The following TENM3 variants were observed in gnomAD, a reference collection of about 807,000 sequenced individuals.
The protein encoded by TENM3 is teneurin-3.
In TENM3, 63 loss-of-function variants were observed where a neutral mutation model predicts 255.1. The observed-to-expected ratio is 0.25, with a 90% CI of 0.20 to 0.30. The LOEUF (loss-of-function observed/expected upper bound fraction) is 0.30. TENM3 is among the 10% of genes least tolerant of loss of function. TENM3 has a pLI of 1.00. For missense variants in TENM3, 2,929 were observed against 3,461.1 expected, an observed-to-expected ratio of 0.85 and a Z score of 3.86; for synonymous variants, 1,306 against 1,322.3, an observed-to-expected ratio of 0.99 and a Z score of 0.27.
chr4:182,417,182 C>G (rs904428649), intron 3 of TENM3, among the ~76,000 whole-genome samples: 8 of 151,378 alleles, frequency 5.3e-5, no homozygotes, highest in Non-Finnish European at 1.0e-4. Flanking sequence ...TTCACCGTGT[C>G]AGCCAGGATG....
the TENM3 span, among the ~76,000 whole-genome samples, chr4:181,702,167 A>G: frequency 1.3e-5 from 2 of 152,208 alleles, no homozygotes; most frequent in Admixed American, 1.3e-4. Context: ...ATGCAGATAG[A>G]GTAGGAACTG....
At chr4:182,413,117 G>A (rs1770118071) in intron 3 of TENM3, among the ~76,000 whole-genome samples, 1 of 151,648 alleles carries the variant, frequency 6.6e-6, no homozygotes, top group South Asian at 2.1e-4. Flanking sequence ...AAACATGAAG[G>A]ATGAAATGAT....
At chr4:182,494,568 C>T (rs190812174) in intron 3 of TENM3, among the ~76,000 whole-genome samples, 6 of 151,954 alleles carry the variant, frequency 3.9e-5, no homozygotes, top group African/African-American at 7.3e-5. Context: ...AAATAAGGGG[C>T]GACTAATGTA....
intron 22 of TENM3, 109 bp from the exon 23 acceptor site, chr4:182,773,363 C>A (rs1376912715): frequency 3.5e-5 from 36 of 1,014,670 alleles, no homozygotes; most frequent in Non-Finnish European, 5.1e-5. Flanking sequence ...TCCACGAAGA[C>A]AAATAGTCCT....
intron 19 of TENM3, among the ~76,000 whole-genome samples, chr4:182,748,606 C>T (rs1762168367): frequency 6.6e-6 from 1 of 152,210 alleles, no homozygotes. Flanking sequence ...AGTCTGTCAA[C>T]TAGAAATATC....
the TENM3 span, among the ~76,000 whole-genome samples, chr4:181,999,809 A>C: frequency 2.6e-5 from 4 of 152,322 alleles, no homozygotes; most frequent in African/African-American, 9.6e-5. Context: ...AGGATTTGAC[A>C]TATCGAGAAT....
At chr4:181,983,160 A>G in the TENM3 span, among the ~76,000 whole-genome samples, 1 of 152,206 alleles carries the variant, frequency 6.6e-6, no homozygotes, top group Non-Finnish European at 1.5e-5. Context: ...ATGCAGCAGT[A>G]CGTGTGTTCA....
At chr4:182,646,727 G>A (rs551781238) in intron 5 of TENM3, among the ~76,000 whole-genome samples, 1 of 152,102 alleles carries the variant, frequency 6.6e-6, no homozygotes, top group East Asian at 1.9e-4. Context: ...GGGTGACAGA[G>A]CAAGACTTCA....
At chr4:181,645,410 C>G in the TENM3 span, among the ~76,000 whole-genome samples, 24 of 152,318 alleles carry the variant, frequency 1.6e-4, no homozygotes, top group African/African-American at 5.5e-4. Context: ...GAATCTGGGG[C>G]TGGGACTCCA....
the TENM3 span, among the ~76,000 whole-genome samples, chr4:181,546,497 C>T: frequency 0.044 from 6,658 of 151,280 alleles, 224 homozygotes; most frequent in South Asian, 0.15. Flanking sequence ...GGCTGGATCA[C>T]GAGGTCAGGA....
Position 182,779,181 on chromosome 4 carries a change from G to A in TENM3, c.5304+4028G>A, listed in dbSNP as rs948150039. Among the ~76,000 whole-genome samples, 242 of 151,272 alleles carry A rather than the reference G, an allele frequency of 1.6e-3. 2 individuals are homozygous for A. Among genetic ancestry groups the A allele is most frequent in the Non-Finnish European group, 3.2e-3 (214 of 67,888 alleles). ...ACTAACTCGTCATCTAGCATTAGGTGTATCTCCCAATGCTATCCCTCCCCG... is the reference window on the plus strand; with the variant it reads ...ACTAACTCGTCATCTAGCATTAGGTATATCTCCCAATGCTATCCCTCCCCG... On this transcript the variant is annotated intron_variant, in intron 24 of 27. Transcript: ENST00000511685.
intron 3 of TENM3, among the ~76,000 whole-genome samples, chr4:182,431,401 G>C (rs538074704): frequency 3.3e-5 from 5 of 152,198 alleles, no homozygotes; most frequent in African/African-American, 9.6e-5. Context: ...GGCTGAGGCA[G>C]AAGAATAGCT....
At chr4:182,605,681 T>C (rs1402112128) in intron 4 of TENM3, among the ~76,000 whole-genome samples, 1 of 152,198 alleles carries the variant, frequency 6.6e-6, no homozygotes, top group Non-Finnish European at 1.5e-5. Flanking sequence ...AAGAATTTGC[T>C]GTGTGCTGTT....
chr4:182,525,557 A>C (rs983176155), intron 3 of TENM3, among the ~76,000 whole-genome samples: 2 of 152,276 alleles, frequency 1.3e-5, no homozygotes, highest in Non-Finnish European at 2.9e-5. Flanking sequence ...GAAGCAAAGC[A>C]CATGTATGTG....
At chr4:182,457,420 A>G (rs1039629297) in intron 3 of TENM3, among the ~76,000 whole-genome samples, 1 of 152,120 alleles carries the variant, frequency 6.6e-6, no homozygotes, top group African/African-American at 2.4e-5. Context: ...ATTTCATCTC[A>G]TCTTCAGAAC....
intron 3 of TENM3, among the ~76,000 whole-genome samples, chr4:182,517,630 G>A (rs893157865): frequency 7.7e-5 from 10 of 130,010 alleles, no homozygotes; most frequent in East Asian, 4.8e-4. Flanking sequence ...TGATCCGCCC[G>A]CCTCGGCCTC....
the TENM3 span, among the ~76,000 whole-genome samples, chr4:181,797,465 T>C: frequency 6.6e-6 from 1 of 152,178 alleles, no homozygotes; most frequent in East Asian, 1.9e-4. Flanking sequence ...TTTAGTATGG[T>C]AGGCTCTATC....
At chr4:182,702,098 C>T (rs1439404786) in intron 12 of TENM3, among the ~76,000 whole-genome samples, 1 of 152,054 alleles carries the variant, frequency 6.6e-6, no homozygotes, top group Non-Finnish European at 1.5e-5. Context: ...TTATCTTGCT[C>T]AAATAAAATT....
At chr4:182,482,237 A>G (rs1219636760) in intron 3 of TENM3, among the ~76,000 whole-genome samples, 1 of 152,198 alleles carries the variant, frequency 6.6e-6, no homozygotes, top group African/African-American at 2.4e-5. Context: ...TTATTTTACT[A>G]TAAATACGTT....
Sources: allele counts gnomAD v4.1 joint callset (sites outside exome capture counted in the v4.1 genomes callset), GRCh38; gene constraint gnomAD v4.1.1; transcripts MANE v1.5; gene names NCBI Gene and HGNC (gene_info 2026-07-23, HGNC 2026-07-21).